PRDM16: variants seen among roughly 807,000 people sequenced by gnomAD.
PRDM16 encodes histone-lysine N-methyltransferase PRDM16.
Under a neutral mutation model 110.6 loss-of-function variants are expected in PRDM16, and 23 were observed. The ratio of observed to expected loss-of-function variants is 0.21; its 90% confidence interval spans 0.15 to 0.29. The LOEUF is 0.29. Among genes scored for constraint, PRDM16 ranks in the 10% least tolerant of loss-of-function variants. PRDM16 has a pLI of 1.00. For missense variants in PRDM16, 1,615 were observed against 1,794.3 expected (o/e 0.90, Z 1.81); for synonymous variants, 799 against 781.8 (o/e 1.02, Z -0.37).
chr1:3,282,675 C>G (rs1237506300), intron 3 of PRDM16, among the ~76,000 whole-genome samples: 1 of 152,232 alleles, frequency 6.6e-6, no homozygotes, highest in Non-Finnish European at 1.5e-5. Context: ...AGGCATCTCC[C>G]GAGACCCAGG....
intron 2 of PRDM16, among the ~76,000 whole-genome samples, chr1:3,237,435 T>C (rs990705260): frequency 6.6e-6 from 1 of 150,838 alleles, no homozygotes; most frequent in Non-Finnish European, 1.5e-5. Flanking sequence ...CTTCCTCGTG[T>C]TGATGTTGCT....
At position 3,435,767 on chromosome 1, in the gene PRDM16, C is replaced by T. The variant is rs769625715; in HGVS notation, c.*1956C>T. The T allele has an allele frequency of 1.1e-4, 26 of 232,536 alleles. No individual in the cohort carries two copies. Among genetic ancestry groups the T allele is most frequent in the Non-Finnish European group, 1.9e-4 (22 of 117,630 alleles). The allele number at this position is 232,536 out of a possible 1,614,324, so 14.4% of individuals were successfully genotyped here. A position where few individuals can be genotyped will look rare whatever the true frequency, so the allele number is the denominator to read the frequency against. On this transcript the variant is annotated 3_prime_UTR_variant, in exon 17 of 17. Transcript: ENST00000270722. ...CTGCTCCAGGACAAAAGACAATCGTCTCTGTGGGTGCCGGGTGGTCCAGGC... is the reference window on the plus strand; with the variant it reads ...CTGCTCCAGGACAAAAGACAATCGTTTCTGTGGGTGCCGGGTGGTCCAGGC...
At chr1:3,268,214 G>T (rs768393773) in intron 3 of PRDM16, among the ~76,000 whole-genome samples, 1 of 152,188 alleles carries the variant, frequency 6.6e-6, no homozygotes, top group Non-Finnish European at 1.5e-5. Context: ...CTCGGCGCGC[G>T]TCAGACCAGG....
At chr1:3,220,447 C>A (rs1027935104) in intron 2 of PRDM16, among the ~76,000 whole-genome samples, 1 of 152,200 alleles carries the variant, frequency 6.6e-6, no homozygotes, top group South Asian at 2.1e-4. Context: ...CACGCAGGAC[C>A]AGCACAGGTT....
intron 2 of PRDM16, among the ~76,000 whole-genome samples, chr1:3,233,651 G>A (rs1269667188): frequency 6.6e-6 from 1 of 152,306 alleles, no homozygotes; most frequent in South Asian, 2.1e-4. Context: ...CCTCCCTGTT[G>A]CCTACATAAC....
intron 1 of PRDM16, among the ~76,000 whole-genome samples, chr1:3,078,322 C>T (rs1251437362): frequency 6.6e-6 from 1 of 152,222 alleles, no homozygotes; most frequent in Admixed American, 6.5e-5. Flanking sequence ...CAGGCTGCCT[C>T]CCGCTGTGGC....
At chr1:3,215,562 C>T (rs1310049480) in intron 2 of PRDM16, among the ~76,000 whole-genome samples, 1 of 151,912 alleles carries the variant, frequency 6.6e-6, no homozygotes, top group Admixed American at 6.5e-5. Context: ...TGGCTGCAGC[C>T]CCACCCTCCC....
At chr1:3,257,088 T>G (rs905475692) in intron 3 of PRDM16, among the ~76,000 whole-genome samples, 13 of 152,228 alleles carry the variant, frequency 8.5e-5, no homozygotes, top group Non-Finnish European at 1.9e-4. Flanking sequence ...CGTAGGGCTG[T>G]GCTGGCCTGC....
intron 1 of PRDM16, among the ~76,000 whole-genome samples, chr1:3,144,166 C>T (rs1643602532): frequency 6.6e-6 from 1 of 152,224 alleles, no homozygotes; most frequent in Non-Finnish European, 1.5e-5. Flanking sequence ...CGTGACCAGC[C>T]CCAGCCACCA....
chr1:3,198,175 T>G (rs1638528691), intron 2 of PRDM16, among the ~76,000 whole-genome samples: 1 of 152,184 alleles, frequency 6.6e-6, no homozygotes, highest in Non-Finnish European at 1.5e-5. Context: ...CCATGCGTTC[T>G]CTGGACCCCC....
At chr1:3,217,013 C>A (rs1325495961) in intron 2 of PRDM16, among the ~76,000 whole-genome samples, 1 of 152,226 alleles carries the variant, frequency 6.6e-6, no homozygotes, top group Non-Finnish European at 1.5e-5. Context: ...GTTCCATGTC[C>A]AAATGTTGCA....
At position 3,339,554 on chromosome 1, in the gene PRDM16, A is replaced by G. The variant is rs1000313784; in HGVS notation, c.439-45598A>G. 1.3e-5 allele frequency among the ~76,000 whole-genome samples: 2 copies of G among 152,034 alleles called. No individual in the cohort carries two copies. The highest frequency in any genetic ancestry group is 4.8e-5 in the African/African-American group (2 of 41,372). On this transcript the variant is annotated intron_variant, in intron 3 of 16. Coordinates refer to ENST00000270722, the MANE Select transcript of PRDM16 (RefSeq NM_022114.4). The surrounding 1 kb of genome is among the most constrained non-coding windows in gnomAD (Gnocchi z 5.0). The stretch of plus-strand genomic sequence containing the variant: ...TTGTTGCCCACCGAGCGATTCAGGC[A>G]GTGAGGTGGGAAGGAGCGTGGGAGG...
chr1:3,408,368 C>T (rs148102002), intron 8 of PRDM16, among the ~76,000 whole-genome samples: 82 of 152,172 alleles, frequency 5.4e-4, no homozygotes, highest in African/African-American at 1.9e-3. Context: ...GTGGGTAGAG[C>T]GAGAGGAGAG....
intron 3 of PRDM16, among the ~76,000 whole-genome samples, chr1:3,322,860 A>G (rs1448758133): frequency 6.6e-6 from 1 of 152,174 alleles, no homozygotes; most frequent in Non-Finnish European, 1.5e-5. Context: ...TCTTCTTTTC[A>G]GCAGGGGTTC....
rs372325155 is a variant in PRDM16, at chr1:3,162,051, C to A, written c.38-24074C>A. ...CCTCTCAGGGGCTGCCACCCCTTCC[C>A]GTCCCCCTAGACCCCAAGACCCCAA... On this transcript the variant is annotated intron_variant, in intron 1 of 16. Transcript: ENST00000270722. Among the ~76,000 whole-genome samples, 5 of 152,324 alleles carry A rather than the reference C, an allele frequency of 3.3e-5. No homozygotes were observed. In the South Asian group the frequency reaches 1.0e-3, roughly 32 times the overall value.
rs536041147 is a variant in PRDM16, at chr1:3,287,255, C to T, written c.438+43118C>T. Among the ~76,000 whole-genome samples, 24 of 151,448 alleles carry T rather than the reference C, an allele frequency of 1.6e-4. 1 individual carries two copies. In the South Asian group the frequency reaches 5.0e-3, roughly 32 times the overall value. ...ACGCGGGCATCCAGGATTGCATTTA[C>T]CGGGGCTGGAGGCGCCCCGCCACGC... is the stretch of plus-strand genomic sequence containing the variant. On this transcript the variant is annotated intron_variant, in intron 3 of 16. Coordinates refer to ENST00000270722, the MANE Select transcript of PRDM16 (RefSeq NM_022114.4).
At chr1:3,397,536 G>T (rs541042597) in intron 5 of PRDM16, among the ~76,000 whole-genome samples, 1 of 152,382 alleles carries the variant, frequency 6.6e-6, no homozygotes, top group South Asian at 2.1e-4. Flanking sequence ...GCCCTGGCCC[G>T]TCGGCTCCAC....
At chr1:3,372,961 G>A (rs1642930484) in intron 3 of PRDM16, among the ~76,000 whole-genome samples, 1 of 152,236 alleles carries the variant, frequency 6.6e-6, no homozygotes, top group South Asian at 2.1e-4. Flanking sequence ...CCAGCTAGCG[G>A]GGTTTGGGGG....
chr1:3,300,591 C>T (rs1321596219), intron 3 of PRDM16, among the ~76,000 whole-genome samples: 1 of 152,230 alleles, frequency 6.6e-6, no homozygotes, highest in East Asian at 1.9e-4. Context: ...ATTCTTCGTT[C>T]CCTGGAGCCT....
Sources: allele counts gnomAD v4.1 joint callset (sites outside exome capture counted in the v4.1 genomes callset), GRCh38; gene constraint gnomAD v4.1.1; non-coding constraint Gnocchi (gnomAD v3.1); transcripts MANE v1.5; gene names NCBI Gene and HGNC (gene_info 2026-07-23, HGNC 2026-07-21).